Variants in YIPF6 observed in about 807,000 individuals in gnomAD.
YIPF6 encodes the protein protein YIPF6.
Under a neutral mutation model 16.8 loss-of-function variants are expected in YIPF6, and 3 were observed. The observed-to-expected ratio is 0.18, with a 90% confidence interval of 0.08 to 0.46. The LOEUF (loss-of-function observed/expected upper bound fraction) is 0.46, where lower values mean the gene tolerates loss of function less well. Among genes scored for constraint, YIPF6 ranks in the 20% least tolerant of loss-of-function variants. The pLI, the probability that YIPF6 is intolerant of heterozygous loss-of-function variation, is 0.98. For missense variants in YIPF6, 145 were observed against 184.9 expected, an observed-to-expected ratio of 0.78 and a Z score of 1.25; for synonymous variants, 67 against 61.9, an observed-to-expected ratio of 1.08 and a Z score of -0.38.
chrX:68,522,620 A>G (rs2079131276), intron 5 of YIPF6, 140 bp from the exon 6 acceptor site: 1 of 600,056 alleles, frequency 1.7e-6, no homozygotes, highest in African/African-American at 2.3e-5. Flanking sequence ...GCATGTACTT[A>G]ATAATTAATG....
At chrX:68,506,198 A>G (rs970521813) in intron 1 of YIPF6, among the ~76,000 whole-genome samples, 1 of 110,615 alleles carries the variant, frequency 9.0e-6, no homozygotes, top group African/African-American at 3.3e-5. Flanking sequence ...CAAAACTAAT[A>G]ATAACTGCAC....
rs1250360582 is a variant in YIPF6 at position 68,532,832 on chromosome X, T to C, written c.*833T>C. The C allele has an allele frequency of 8.9e-6, 1 of 112,202 alleles. No individual in the cohort carries two copies. Among genetic ancestry groups the C allele is most frequent in the African/African-American group, 3.2e-5 (1 of 30,914 alleles). 9.2% of individuals were successfully genotyped at this position (112,202 alleles called of 1,213,427 possible). ...ATCCAAAAAGAAGACCTCAGAAACT[T>C]AGATTGGTAGATCTCTAGTGCATAT... On this transcript the variant is annotated 3_prime_UTR_variant, in exon 7 of 7. Coordinates refer to ENST00000462683, the MANE Select transcript of YIPF6 (RefSeq NM_173834.4).
At chrX:68,529,784 G>C (rs2079163911) in intron 6 of YIPF6, among the ~76,000 whole-genome samples, 2 of 111,740 alleles carry the variant, frequency 1.8e-5, no homozygotes, top group South Asian at 7.5e-4. Flanking sequence ...GACCCTGTTT[G>C]CCTGGGTATC....
chrX:68,518,232 A>G (rs1242277756), intron 3 of YIPF6, among the ~76,000 whole-genome samples: 2 of 104,522 alleles, frequency 1.9e-5, no homozygotes, highest in South Asian at 4.6e-4. Flanking sequence ...AGATTGCGCC[A>G]TTGCACTCCA....
rs1344951968 is a variant in YIPF6, at chrX:68,533,092, C to T, written c.*1093C>T. On this transcript the variant is annotated 3_prime_UTR_variant, in exon 7 of 7. Transcript: ENST00000462683. ...GATGGGATGAGTTTACAGCTGCTGCCTTTTCATGGTGAGCTTAGCAGTTTT... is the reference window on the plus strand; with the variant it reads ...GATGGGATGAGTTTACAGCTGCTGCTTTTTCATGGTGAGCTTAGCAGTTTT... 1.8e-5 allele frequency: 2 copies of T among 112,005 alleles called. No homozygotes were observed. The highest frequency in any genetic ancestry group is 6.5e-5 in the African/African-American group (2 of 30,879). 9.2% of individuals were successfully genotyped at this position (112,005 alleles called of 1,213,427 possible).
Position 68,522,751 on chromosome X carries a change from GTTTT to G in YIPF6, c.435-7_435-4del, listed in dbSNP as rs746315613. 3.4e-6 allele frequency: 4 copies of G among 1,192,265 alleles called. No individual in the cohort carries two copies. The highest frequency in any genetic ancestry group is 1.8e-5 in the African/African-American group (1 of 56,372). On this transcript the variant is annotated splice_polypyrimidine_tract_variant and splice_region_variant and intron_variant, in intron 5 of 6. Transcript: ENST00000462683. ...TTTATGATCTTTATTAATGTATTTTGTTTTTAAGATCTTTTTTTCAGAGCCTCTG... is the reference window on the plus strand; with the variant it reads ...TTTATGATCTTTATTAATGTATTTTGTAAGATCTTTTTTTCAGAGCCTCTG...
chrX:68,508,783 T>G, intron 1 of YIPF6, among the ~76,000 whole-genome samples: 1 of 112,438 alleles, frequency 8.9e-6, no homozygotes, highest in Non-Finnish European at 1.9e-5. Flanking sequence ...CTGATAATTC[T>G]AACATCTTGG....
chrX:68,505,864 G>A (rs556303460), intron 1 of YIPF6, among the ~76,000 whole-genome samples: 36 of 111,647 alleles, frequency 3.2e-4, no homozygotes, highest in African/African-American at 1.1e-3. Context: ...TAATGCTAAC[G>A]TTGTACATAA....
intron 3 of YIPF6, among the ~76,000 whole-genome samples, chrX:68,517,487 T>A: frequency 8.9e-6 from 1 of 112,435 alleles, no homozygotes; most frequent in Non-Finnish European, 1.9e-5. Context: ...AGACCTGATG[T>A]TGGCAGAGCC....
intron 4 of YIPF6, 44 bp downstream of exon 4, chrX:68,518,856 G>C: frequency 6.3e-6 from 7 of 1,117,858 alleles, no homozygotes; most frequent in Non-Finnish European, 8.3e-6. Context: ...AGCTAGACTA[G>C]ACTTTTTTGT....
At chrX:68,526,319 G>A (rs1251524469) in intron 6 of YIPF6, among the ~76,000 whole-genome samples, 1 of 107,618 alleles carries the variant, frequency 9.3e-6, no homozygotes. Flanking sequence ...TGTGATTTTT[G>A]CACATTGATT....
intron 3 of YIPF6, chrX:68,515,341 A>C (rs767680922): frequency 1.0e-5 from 1 of 97,666 alleles, no homozygotes; most frequent in African/African-American, 5.3e-5. Context: ...AAAAAAAAAT[A>C]AAAAAAATAA....
At chrX:68,519,647 C>T (rs1211566825) in intron 4 of YIPF6, among the ~76,000 whole-genome samples, 1 of 110,108 alleles carries the variant, frequency 9.1e-6, no homozygotes, top group Admixed American at 9.8e-5. Context: ...CATCTCTTCC[C>T]ACCTGGTCAC....
chrX:68,502,420 T>A (rs1161556060), intron 1 of YIPF6, among the ~76,000 whole-genome samples: 1 of 111,617 alleles, frequency 9.0e-6, no homozygotes, highest in African/African-American at 3.3e-5. Context: ...ATTCAGTTGG[T>A]CTGGGATAGG....
In YIPF6 at chrX:68,500,433, A is replaced by G. The variant is rs979975299; in HGVS notation, c.57+1310A>G. On this transcript the variant is annotated intron_variant, in intron 1 of 6. Transcript: ENST00000462683. ...GGGGTTTAAGTGATTCTCCTGCCTC[A>G]GCCTCCTGAGTAGCTGGGATTACAG... 1.4e-4 allele frequency among the ~76,000 whole-genome samples: 15 copies of G among 110,498 alleles called. 1 individual carries two copies. Among genetic ancestry groups the G allele is most frequent in the African/African-American group, 4.9e-4 (15 of 30,333 alleles).
At position 68,532,027 on chromosome X, in the gene YIPF6, G is replaced by T. The variant is rs1338919032; in HGVS notation, c.*28G>T. ...CAGGAATGGGAAATTAAAAACCAGT[G>T]AATTGAAAGCACATCTGAAAGATGC... On this transcript the variant is annotated 3_prime_UTR_variant, in exon 7 of 7. Coordinates refer to ENST00000462683, the MANE Select transcript of YIPF6 (RefSeq NM_173834.4). 2 of 1,069,658 alleles carry T rather than the reference G, an allele frequency of 1.9e-6. No individual in the cohort carries two copies. Among genetic ancestry groups the T allele is most frequent in the East Asian group, 6.0e-5 (2 of 33,065 alleles). 88.2% of individuals were successfully genotyped at this position (1,069,658 alleles called of 1,213,427 possible). A position where few individuals can be genotyped will look rare whatever the true frequency, so the allele number is the denominator to read the frequency against.
At position 68,535,028 on chromosome X, in the gene YIPF6, A is replaced by G. The variant is rs2079186128; in HGVS notation, c.*3029A>G. The stretch of plus-strand genomic sequence containing the variant: ...TTGCTGTTCAGAGTATAAAAACTCA[A>G]TTGATTCCAACATATCTGAATGTGC... On this transcript the variant is annotated 3_prime_UTR_variant, in exon 7 of 7. Coordinates refer to ENST00000462683, the MANE Select transcript of YIPF6 (RefSeq NM_173834.4). The G allele has an allele frequency of 8.9e-6, 1 of 112,632 alleles. No homozygotes were observed. The highest frequency in any genetic ancestry group is 3.7e-4 in the South Asian group (1 of 2,739). The allele number at this position is 112,632 out of a possible 1,213,427, so 9.3% of individuals were successfully genotyped here.
intron 1 of YIPF6, among the ~76,000 whole-genome samples, chrX:68,509,383 G>A (rs2079071657): frequency 9.0e-6 from 1 of 111,234 alleles, no homozygotes; most frequent in African/African-American, 3.3e-5. Flanking sequence ...GCTACCCAGA[G>A]TTGGGGTTAC....
intron 3 of YIPF6, among the ~76,000 whole-genome samples, chrX:68,517,965 C>CAAAA (rs761275868): frequency 4.8e-4 from 30 of 62,546 alleles, no homozygotes; most frequent in Middle Eastern, 0.016. Context: ...GACCCTGTTT[C>CAAAA]AAAAAAAAAA....
Sources: gnomAD v4.1 joint callset for allele counts (sites outside exome capture counted in the v4.1 genomes callset) on GRCh38, gnomAD v4.1.1 for gene constraint, MANE v1.5 for transcripts, NCBI Gene and HGNC (gene_info 2026-07-23, HGNC 2026-07-21) for gene names.